SGIP1: variants seen among roughly 807,000 people sequenced by gnomAD.
SGIP1 encodes SH3GL interacting endocytic adaptor 1.
A neutral mutation model predicts 107.5 loss-of-function variants in SGIP1; 38 were observed. That is an observed-to-expected ratio of 0.35 (90% CI 0.27 to 0.46). The LOEUF is 0.46. SGIP1 is among the 20% of genes least tolerant of loss of function. The pLI, the probability that SGIP1 is intolerant of heterozygous loss-of-function variation, is 1.00. For missense variants in SGIP1, 929 were observed against 1,019.5 expected (o/e 0.91, Z 1.21); for synonymous variants, 365 against 366.1 (o/e 1.00, Z 0.03).
At chr1:66,580,359 C>T (rs1412506283) in intron 1 of SGIP1, among the ~76,000 whole-genome samples, 1 of 152,118 alleles carries the variant, frequency 6.6e-6, no homozygotes, top group Non-Finnish European at 1.5e-5. Context: ...CTTACTCTTA[C>T]CCTTGCCTGA....
intron 12 of SGIP1, 62 bp downstream of exon 12, chr1:66,673,428 C>A: frequency 7.2e-7 from 1 of 1,392,174 alleles, no homozygotes; most frequent in Non-Finnish European, 9.8e-7. Context: ...TACAACTCTT[C>A]TAGATTAAAT....
At chr1:66,728,885 T>C (rs1444956003) in intron 19 of SGIP1, among the ~76,000 whole-genome samples, 1 of 151,964 alleles carries the variant, frequency 6.6e-6, no homozygotes, top group Non-Finnish European at 1.5e-5. Context: ...TTCTCACTTA[T>C]AAGTGGGAGC....
rs766949768 is a variant in SGIP1 at position 66,633,026 on chromosome 1, A to G, written c.75-44A>G. 1.5e-5 allele frequency: 20 copies of G among 1,312,100 alleles called. No homozygotes were observed. The Middle Eastern group carries it at 5.4e-4, about 35-fold the overall frequency. 81.3% of individuals were successfully genotyped at this position (1,312,100 alleles called of 1,614,324 possible). A position where few individuals can be genotyped will look rare whatever the true frequency, so the allele number is the denominator to read the frequency against. ...GTTGTACTTTAGTCTATGTGGCAAG[A>G]ATGATTCCTTATCATAATAGCTATC... On this transcript the variant is annotated intron_variant, in intron 2 of 24. Coordinates refer to ENST00000371037, the MANE Select transcript of SGIP1 (RefSeq NM_032291.4).
Position 66,631,681 on chromosome 1 carries a change from T to TTCTCTC in SGIP1, c.75-1347_75-1342dup, listed in dbSNP as rs71058468. Among the ~76,000 whole-genome samples the TTCTCTC allele has an allele frequency of 2.4e-3, 320 of 132,118 alleles. 2 individuals are homozygous for TTCTCTC. The highest frequency in any genetic ancestry group is 2.4e-3 in the Non-Finnish European group (149 of 61,638). 86.7% of individuals were successfully genotyped at this position (132,118 alleles called of 152,430 possible). The stretch of plus-strand genomic sequence containing the variant: ...TCTCTCTCTCTTTCTCTCTCTCTCT[T>TTCTCTC]TCTCTCTCTCTCTCTCTCTCTCTCT... On this transcript the variant is annotated intron_variant, in intron 2 of 24. Coordinates refer to ENST00000371037, the MANE Select transcript of SGIP1 (RefSeq NM_032291.4).
At chr1:66,661,167 C>T (rs886843478) in intron 8 of SGIP1, among the ~76,000 whole-genome samples, 1 of 152,158 alleles carries the variant, frequency 6.6e-6, no homozygotes, top group African/African-American at 2.4e-5. Flanking sequence ...ACACGAGGAA[C>T]AGATTTCAAA....
intron 2 of SGIP1, among the ~76,000 whole-genome samples, chr1:66,632,274 A>T (rs2074920223): frequency 6.6e-6 from 1 of 152,208 alleles, no homozygotes; most frequent in Non-Finnish European, 1.5e-5. Flanking sequence ...CCACTGCAGC[A>T]TAGTGCCACC....
intron 1 of SGIP1, among the ~76,000 whole-genome samples, chr1:66,581,693 A>G (rs1006110975): frequency 2.0e-5 from 3 of 152,064 alleles, no homozygotes; most frequent in Non-Finnish European, 4.4e-5. Context: ...TACATGATTC[A>G]TGAGAAAACT....
At chr1:66,736,055 G>T (rs487833) in intron 21 of SGIP1, among the ~76,000 whole-genome samples, 92,958 of 148,936 alleles carry the variant, frequency 0.62, 29,901 homozygotes, top group Non-Finnish European at 0.71. Context: ...ATGCTAAAAA[G>T]AAATATATGT....
At chr1:66,634,236 C>T (rs1006682210) in intron 3 of SGIP1, 6 of 1,196,092 alleles carry the variant, frequency 5.0e-6, no homozygotes, top group Non-Finnish European at 7.3e-6. Flanking sequence ...TCCCCTCTGA[C>T]CTTTGCAAAG....
intron 19 of SGIP1, 97 bp downstream of exon 19, chr1:66,719,502 C>A: frequency 1.2e-6 from 1 of 830,810 alleles, no homozygotes; most frequent in Non-Finnish European, 1.8e-6. Context: ...TTTTAAAAAG[C>A]AAAAAATAAT....
chr1:66,741,268 T>G lies in SGIP1; in HGVS notation c.2300-4T>G. ...TTACCTTGTAATAATGTGTTTTTTT[T>G]TAGGGGTGGGTTCTTTGTTGGCAAG... On this transcript the variant is annotated splice_polypyrimidine_tract_variant and splice_region_variant and intron_variant, in intron 23 of 24. Transcript: ENST00000371037. 6.4e-7 allele frequency: 1 copy of G among 1,569,598 alleles called. No individual in the cohort carries two copies. Among genetic ancestry groups the G allele is most frequent in the Non-Finnish European group, 8.6e-7 (1 of 1,161,138 alleles).
intron 2 of SGIP1, among the ~76,000 whole-genome samples, chr1:66,628,041 T>C (rs2073345406): frequency 1.3e-5 from 2 of 152,098 alleles, no homozygotes; most frequent in South Asian, 4.1e-4. Flanking sequence ...AATGATGGTT[T>C]CCAGCTTCAT....
intron 1 of SGIP1, among the ~76,000 whole-genome samples, chr1:66,586,210 T>C (rs1375017946): frequency 6.6e-6 from 1 of 152,196 alleles, no homozygotes; most frequent in Non-Finnish European, 1.5e-5. Context: ...TGTTTTGCCT[T>C]CAATTTGCCT....
At chr1:66,670,635 A>G (rs2083546757) in intron 9 of SGIP1, among the ~76,000 whole-genome samples, 1 of 152,230 alleles carries the variant, frequency 6.6e-6, no homozygotes, top group Non-Finnish European at 1.5e-5. Context: ...GTAATTTTTA[A>G]GCATCAAATA....
At chr1:66,600,702 G>A (rs1310713858) in intron 1 of SGIP1, among the ~76,000 whole-genome samples, 1 of 152,196 alleles carries the variant, frequency 6.6e-6, no homozygotes, top group East Asian at 1.9e-4. Flanking sequence ...AACCAGTAAA[G>A]CCAGTGGGTA....
At chr1:66,733,238 G>A (rs1200155304) in intron 20 of SGIP1, among the ~76,000 whole-genome samples, 2 of 152,156 alleles carry the variant, frequency 1.3e-5, no homozygotes, top group African/African-American at 2.4e-5. Flanking sequence ...TGCTGAAAAG[G>A]CAGCATGGTA....
Position 66,615,026 on chromosome 1 carries a change from G to A in SGIP1, c.11-10821G>A, listed in dbSNP as rs367800246. ...AGTAGAGACGGGGTTTCTCCATGTT[G>A]GTCAGGCTGGTCTCGAACTCCTGAC... On this transcript the variant is annotated intron_variant, in intron 1 of 24. Transcript: ENST00000371037. Among the ~76,000 whole-genome samples, 5 of 151,858 alleles carry A rather than the reference G, an allele frequency of 3.3e-5. No individual in the cohort carries two copies. The East Asian group carries it at 5.8e-4, about 18-fold the overall frequency.
intron 7 of SGIP1, among the ~76,000 whole-genome samples, chr1:66,657,396 C>T (rs188172825): frequency 4.7e-4 from 71 of 152,254 alleles, no homozygotes; most frequent in Admixed American, 1.0e-3. Context: ...AGCACGAAAC[C>T]TTCATGTAAG....
chr1:66,733,209 A>G (rs939065579), intron 20 of SGIP1, among the ~76,000 whole-genome samples: 3 of 152,224 alleles, frequency 2.0e-5, no homozygotes, highest in African/African-American at 4.8e-5. Context: ...TTAAATGCTC[A>G]TGGATGAAAT....
Sources: gnomAD v4.1 joint callset for allele counts (sites outside exome capture counted in the v4.1 genomes callset) on GRCh38, gnomAD v4.1.1 for gene constraint, MANE v1.5 for transcripts, NCBI Gene and HGNC (gene_info 2026-07-23, HGNC 2026-07-21) for gene names.